The following IQSEC1 variants were observed in gnomAD, a reference collection of about 807,000 sequenced individuals.
IQSEC1 encodes IQ motif and Sec7 domain ArfGEF 1.
A neutral mutation model predicts 91.0 loss-of-function variants in IQSEC1; 31 were observed. The ratio of observed to expected loss-of-function variants is 0.34; its 90% CI spans 0.26 to 0.46. The LOEUF is 0.46. Among genes scored for constraint, IQSEC1 ranks in the 20% least tolerant of loss-of-function variants. The pLI is 1.00. For missense variants in IQSEC1, 1,388 were observed against 1,575.6 expected (o/e 0.88, Z 2.02); for synonymous variants, 699 against 662.6 (o/e 1.05, Z -0.84).
rs1439739180 is a variant in IQSEC1 at position 13,052,881 on chromosome 3, T to G, written c.23+20111A>C. The G allele has an allele frequency of 2.4e-4, 177 of 728,590 alleles. 1 individual carries two copies. Among genetic ancestry groups the G allele is most frequent in the Non-Finnish European group, 1.2e-5 (5 of 406,438 alleles). 45.1% of individuals were successfully genotyped at this position (728,590 alleles called of 1,614,324 possible). ...AATAAAACATGTCCAACTCTCCAGA[T>G]AGTGGTGACATTTTCTGCTTGATAC... is the stretch of plus-strand genomic sequence containing the variant. On this transcript the variant is annotated intron_variant, in intron 1 of 13. Transcript: ENST00000613206.
At chr3:12,965,979 G>A (rs1490508888) in intron 1 of IQSEC1, among the ~76,000 whole-genome samples, 2 of 152,230 alleles carry the variant, frequency 1.3e-5, no homozygotes, top group Non-Finnish European at 2.9e-5. Flanking sequence ...CAGAGCTTTA[G>A]TACTGACAAG....
intron 1 of IQSEC1, among the ~76,000 whole-genome samples, chr3:13,168,193 T>C (rs757152908): frequency 2.0e-5 from 3 of 152,246 alleles, no homozygotes; most frequent in Non-Finnish European, 4.4e-5. Context: ...GATTCTGTTG[T>C]CTGCAACTAA....
At chr3:13,113,284 G>T (rs1057160562) in intron 2 of IQSEC1, among the ~76,000 whole-genome samples, 3 of 152,236 alleles carry the variant, frequency 2.0e-5, no homozygotes, top group Non-Finnish European at 4.4e-5. Flanking sequence ...TGAAGCTGGG[G>T]ACCAGGGTGG....
At chr3:12,912,256 T>C (rs1363595696) in intron 9 of IQSEC1, among the ~76,000 whole-genome samples, 1 of 152,138 alleles carries the variant, frequency 6.6e-6, no homozygotes, top group East Asian at 1.9e-4. Flanking sequence ...CTTTCCAGTG[T>C]GGCAGCCAAA....
chr3:13,207,977 T>C lies in IQSEC1; in HGVS notation c.273-43844A>G, dbSNP rs78611923. ...ACATAGCAGTTGCTCAACAAATGCA[T>C]CTTGAATGAACGAATAAATCACTGT... is the stretch of plus-strand genomic sequence containing the variant. On this transcript the variant is annotated intron_variant, in intron 1 of 15. Transcript: ENST00000648114. This position sits in a 1 kb window ranked among gnomAD's most constrained non-coding sequence, Gnocchi z 4.8. 0.011 allele frequency among the ~76,000 whole-genome samples: 1,741 copies of C among 152,246 alleles called. 13 individuals carry two copies. Among genetic ancestry groups the C allele is most frequent in the African/African-American group, 0.022 (932 of 41,532 alleles).
intron 1 of IQSEC1, among the ~76,000 whole-genome samples, chr3:13,064,713 A>G (rs545095547): frequency 7.2e-5 from 11 of 152,250 alleles, no homozygotes; most frequent in Non-Finnish European, 1.6e-4. Flanking sequence ...CAAATCATAC[A>G]AAATGCATTT....
chr3:13,089,953 C>T (rs542590064), intron 2 of IQSEC1, among the ~76,000 whole-genome samples: 52 of 152,330 alleles, frequency 3.4e-4, no homozygotes, highest in African/African-American at 1.2e-3. Context: ...CGGTGGCTCA[C>T]GCCTGTAATC....
intron 1 of IQSEC1, among the ~76,000 whole-genome samples, chr3:13,174,014 G>A (rs1250028028): frequency 2.0e-5 from 3 of 152,212 alleles, no homozygotes; most frequent in East Asian, 1.9e-4. Context: ...TAGGAGAGGC[G>A]GCCAAGACAC....
At chr3:13,177,031 G>T (rs1693744075) in intron 1 of IQSEC1, among the ~76,000 whole-genome samples, 1 of 152,234 alleles carries the variant, frequency 6.6e-6, no homozygotes. Flanking sequence ...TGGATTAGTG[G>T]ATGTCAGGGG....
chr3:12,926,265 GTACCAC>G (rs538098257), intron 3 of IQSEC1, among the ~76,000 whole-genome samples: 335 of 151,036 alleles, frequency 2.2e-3, no homozygotes, highest in African/African-American at 7.5e-3. Flanking sequence ...AGCCGAGATT[GTACCAC>G]TACACTCCAG....
At chr3:12,932,280 T>G (rs1420184571) in intron 3 of IQSEC1, among the ~76,000 whole-genome samples, 1 of 152,208 alleles carries the variant, frequency 6.6e-6, no homozygotes, top group Non-Finnish European at 1.5e-5. Context: ...GGTGTGGCTC[T>G]GCCTCCTGGA....
chr3:13,023,805 A>G (rs1170624116), intron 1 of IQSEC1, among the ~76,000 whole-genome samples: 1 of 152,144 alleles, frequency 6.6e-6, no homozygotes, highest in Non-Finnish European at 1.5e-5. Flanking sequence ...GGAAACCCAA[A>G]TTCTTCTCCC....
In IQSEC1 at chr3:13,282,735, G is replaced by A. The variant is rs1191934805; in HGVS notation, c.248C>T (p.Pro83Leu). 6.7e-6 allele frequency among the ~76,000 whole-genome samples: 1 copy of A among 149,456 alleles called. No homozygotes were observed. The highest frequency in any genetic ancestry group is 1.5e-5 in the Non-Finnish European group (1 of 67,132). ...CTTGTCGCGGCGGCCGCCGAGCTCC[G>A]GGATGGCGCCGAGCGGCTGCGGGCC... Residue 83 changes from proline (P) to leucine (L), a missense_variant, in exon 1 of 16, where the codon CCG becomes CTG. Transcript: ENST00000648114. This position sits in a 1 kb window ranked among gnomAD's most constrained non-coding sequence, Gnocchi z 6.4.
intron 1 of IQSEC1, among the ~76,000 whole-genome samples, chr3:13,215,353 A>G (rs1369830828): frequency 2.0e-5 from 3 of 151,358 alleles, no homozygotes; most frequent in Non-Finnish European, 2.9e-5. Flanking sequence ...GCCTACAACC[A>G]AAGTACCTGC....
intron 3 of IQSEC1, among the ~76,000 whole-genome samples, chr3:12,927,161 G>A (rs753290856): frequency 1.7e-4 from 26 of 152,202 alleles, no homozygotes; most frequent in Non-Finnish European, 3.2e-4. Context: ...CAGGTGAGGG[G>A]TCGCCATGGC....
intron 2 of IQSEC1, among the ~76,000 whole-genome samples, chr3:13,141,850 T>C (rs990007294): frequency 5.3e-5 from 8 of 152,210 alleles, no homozygotes; most frequent in Non-Finnish European, 8.8e-5. Flanking sequence ...CGTCACTTCA[T>C]CTTCTCCTCC....
intron 1 of IQSEC1, among the ~76,000 whole-genome samples, chr3:13,228,373 T>G (rs1694792800): frequency 6.6e-6 from 1 of 151,660 alleles, no homozygotes; most frequent in African/African-American, 2.4e-5. Flanking sequence ...CTGCATGACC[T>G]CGGCAAGTCA....
rs181815711 is a variant in IQSEC1 at position 13,053,184 on chromosome 3, G to A, written c.23+19808C>T. The A allele has an allele frequency of 2.1e-3, 1,493 of 726,846 alleles. 11 individuals carry two copies. The highest frequency in any genetic ancestry group is 0.017 in the African/African-American group (961 of 57,504). The allele number at this position is 726,846 out of a possible 1,614,324, so 45.0% of individuals were successfully genotyped here. ...GAGAAAGGAAGAGAGGGGACTGGCTGTGGTTTTAACCTTGTTTCCCTGTTG... is the reference window on the plus strand; with the variant it reads ...GAGAAAGGAAGAGAGGGGACTGGCTATGGTTTTAACCTTGTTTCCCTGTTG... On this transcript the variant is annotated intron_variant, in intron 1 of 13. Coordinates refer to ENST00000613206, the MANE Select transcript of IQSEC1 (RefSeq NM_001134382.3).
At chr3:12,959,392 A>G (rs981627133) in intron 1 of IQSEC1, among the ~76,000 whole-genome samples, 21 of 152,310 alleles carry the variant, frequency 1.4e-4, no homozygotes, top group South Asian at 6.2e-4. Context: ...AGAGAGGCTG[A>G]CAGCCCATTC....
Sources: gnomAD v4.1 joint callset for allele counts (sites outside exome capture counted in the v4.1 genomes callset) on GRCh38, gnomAD v4.1.1 for gene constraint, Gnocchi (gnomAD v3.1) non-coding constraint, MANE v1.5 for transcripts, NCBI Gene and HGNC (gene_info 2026-07-23, HGNC 2026-07-21) for gene names.